SLC25A17: variants seen among roughly 807,000 people sequenced by gnomAD.
SLC25A17 encodes the protein peroxisomal membrane protein PMP34.
A neutral mutation model predicts 38.5 loss-of-function variants in SLC25A17; 26 were observed. That is an observed-to-expected ratio of 0.68 (90% confidence interval 0.50 to 0.94). The LOEUF is 0.94. Among genes scored for constraint, SLC25A17 ranks in the 40% least tolerant of loss-of-function variants. The pLI, the probability that SLC25A17 is intolerant of heterozygous loss-of-function variation, is 0.00. For synonymous variants in SLC25A17, 139 were observed against 136.2 expected (o/e 1.02, Z -0.14); for missense variants, 333 against 372.7 (o/e 0.89, Z 0.88).
intron 5 of SLC25A17, among the ~76,000 whole-genome samples, chr22:40,777,955 A>G (rs1264283024): frequency 6.6e-6 from 1 of 152,190 alleles, no homozygotes; most frequent in East Asian, 1.9e-4. Context: ...TATCACCATC[A>G]CTGGGAATTC....
chr22:40,779,244 C>T, intron 4 of SLC25A17, 119 bp from the exon 5 acceptor site: 2 of 1,551,548 alleles, frequency 1.3e-6, no homozygotes, highest in Non-Finnish European at 1.7e-6. Context: ...TCTTAGGAGA[C>T]CTAAGGTAAG....
At chr22:40,794,627 A>AAT in intron 2 of SLC25A17, 47 bp from the exon 3 acceptor site, 3 of 1,198,620 alleles carry the variant, frequency 2.5e-6, no homozygotes, top group Non-Finnish European at 3.5e-6. Flanking sequence ...TAAAAAAAAA[A>AAT]TTTTTTTTTT....
chr22:40,773,410 CAAAAAAAAAA>C (rs59479764), intron 8 of SLC25A17, among the ~76,000 whole-genome samples: 5 of 74,320 alleles, frequency 6.7e-5, no homozygotes, highest in East Asian at 7.7e-4. Context: ...ACTCTGTCTC[CAAAAAAAAAA>C]AAAAAAAAAA....
chr22:40,809,539 G>T (rs2057560046), intron 1 of SLC25A17, among the ~76,000 whole-genome samples: 1 of 152,040 alleles, frequency 6.6e-6, no homozygotes, highest in African/African-American at 2.4e-5. Context: ...AGCTGAAGTG[G>T]GAGAATTGCT....
chr22:40,793,657 G>A (rs955422489), intron 3 of SLC25A17, among the ~76,000 whole-genome samples: 4 of 151,852 alleles, frequency 2.6e-5, no homozygotes, highest in Non-Finnish European at 5.9e-5. Context: ...TTGTTGCCCA[G>A]GCTGGAGTGC....
intron 1 of SLC25A17, among the ~76,000 whole-genome samples, chr22:40,801,964 G>A: frequency 6.6e-6 from 1 of 152,018 alleles, no homozygotes; most frequent in African/African-American, 2.4e-5. Context: ...CTAATTTTTT[G>A]TATTTTTAGT....
At chr22:40,801,942 C>T (rs2057488213) in intron 1 of SLC25A17, among the ~76,000 whole-genome samples, 1 of 152,162 alleles carries the variant, frequency 6.6e-6, no homozygotes, top group African/African-American at 2.4e-5. Context: ...GGGCGCCCGC[C>T]TCCATGCCCA....
Position 40,809,152 on chromosome 22 carries a change from A to G in SLC25A17, c.54+10043T>C, listed in dbSNP as rs572614926. ...AGACAACATTGGAATTTTAGGTATGAGCAACCACACCCAGCTAATGTATTT... is the reference window on the plus strand; with the variant it reads ...AGACAACATTGGAATTTTAGGTATGGGCAACCACACCCAGCTAATGTATTT... On this transcript the variant is annotated intron_variant, in intron 1 of 8. Coordinates refer to ENST00000435456, the MANE Select transcript of SLC25A17 (RefSeq NM_006358.4). 2.0e-5 allele frequency among the ~76,000 whole-genome samples: 3 copies of G among 151,880 alleles called. No homozygotes were observed. The South Asian group carries it at 6.2e-4, about 32-fold the overall frequency.
chr22:40,804,288 A>G (rs530961509), intron 1 of SLC25A17, among the ~76,000 whole-genome samples: 6 of 152,152 alleles, frequency 3.9e-5, no homozygotes, highest in Non-Finnish European at 8.8e-5. Context: ...CCAAGCCCAG[A>G]GCAAGTGTGT....
At position 40,799,058 on chromosome 22, in the gene SLC25A17, A is replaced by G. The variant is rs998819984; in HGVS notation, c.80T>C (p.Phe27Ser). The G allele has an allele frequency of 2.7e-5, 43 of 1,613,820 alleles. No homozygotes were observed. The highest frequency in any genetic ancestry group is 3.6e-5 in the Non-Finnish European group (43 of 1,179,724). ...AVGSVTAMTV[F>S]FPLDTARLRL... ...AAGTCTAGCTGTATCCAGGGGAAAA[A>G]ACACTGTCATTGCTGTCACGCTTCC... The change falls in exon 2 of 9, where the codon TTT becomes TCT. Residue 27 changes from phenylalanine to serine, a missense_variant. Coordinates refer to ENST00000435456, the MANE Select transcript of SLC25A17 (RefSeq NM_006358.4).
In SLC25A17 at chr22:40,798,265, C is replaced by G. The variant is rs6002146; in HGVS notation, c.115+758G>C. ...AACTGGGCAAAAAGCTCTGGAAAAG[C>G]TCTGGAGGCAAATTGAGTCCACAGA... On this transcript the variant is annotated intron_variant, in intron 2 of 8. Transcript: ENST00000435456. 555 of 152,644 alleles carry G rather than the reference C, an allele frequency of 3.6e-3. 7 individuals are homozygous for G. The highest frequency in any genetic ancestry group is 0.013 in the African/African-American group (534 of 41,556). 9.5% of individuals were successfully genotyped at this position (152,644 alleles called of 1,614,324 possible). A position where few individuals can be genotyped will look rare whatever the true frequency, so the allele number is the denominator to read the frequency against.
chr22:40,799,345 C>T (rs1413401179), intron 1 of SLC25A17, among the ~76,000 whole-genome samples: 1 of 151,364 alleles, frequency 6.6e-6, no homozygotes, highest in East Asian at 1.9e-4. Flanking sequence ...ACTTTGTTGC[C>T]CAGGCTGGGA....
At chr22:40,812,497 T>C (rs1473310588) in intron 1 of SLC25A17, among the ~76,000 whole-genome samples, 1 of 152,158 alleles carries the variant, frequency 6.6e-6, no homozygotes, top group Non-Finnish European at 1.5e-5. Context: ...AACAATGATG[T>C]TTGGGTTGGT....
intron 5 of SLC25A17, 63 bp downstream of exon 5, chr22:40,778,946 C>T: frequency 7.3e-7 from 1 of 1,376,916 alleles, no homozygotes; most frequent in South Asian, 1.2e-5. Context: ...TATGTGGCAA[C>T]ATATTCCAGA....
chr22:40,802,996 TAAAC>T (rs141736942), intron 1 of SLC25A17, among the ~76,000 whole-genome samples: 1 of 152,366 alleles, frequency 6.6e-6, no homozygotes, highest in East Asian at 1.9e-4. Context: ...CCCATTACTT[TAAAC>T]ATCATTTCTT....
chr22:40,795,809 A>G (rs797020232), intron 2 of SLC25A17, among the ~76,000 whole-genome samples: 19 of 151,732 alleles, frequency 1.3e-4, no homozygotes, highest in African/African-American at 4.6e-4. Flanking sequence ...TTTTTTTGAG[A>G]CGGAGTCTCG....
intron 1 of SLC25A17, among the ~76,000 whole-genome samples, chr22:40,816,489 C>G (rs1420760435): frequency 6.6e-6 from 1 of 152,094 alleles, no homozygotes; most frequent in Non-Finnish European, 1.5e-5. Context: ...GTACACAAAG[C>G]CTAAAATATT....
In SLC25A17 at chr22:40,777,236, G is replaced by A. The variant is rs768147274; in HGVS notation, c.589C>T (p.Arg197Trp). Residue 197 changes from arginine (R) to tryptophan (W), a missense_variant, in exon 6 of 9, where the codon CGG (arginine) becomes TGG (tryptophan). Coordinates refer to ENST00000435456, the MANE Select transcript of SLC25A17 (RefSeq NM_006358.4). ...EGLKRQLLKK[R>W]MKLSSLDVFI... ...TCAAAATCAAGGATTACCTTCATCC[G>A]TTTCTTTAAAAGCTGCCGTTTTAAA... 9.3e-6 allele frequency: 15 copies of A among 1,613,776 alleles called. 1 individual carries two copies. Among genetic ancestry groups the A allele is most frequent in the East Asian group, 8.9e-5 (4 of 44,886 alleles).
chr22:40,773,876 C>T (rs1303538644), intron 8 of SLC25A17, 61 bp downstream of exon 8: 1 of 1,180,464 alleles, frequency 8.5e-7, no homozygotes, highest in Non-Finnish European at 1.3e-6. Flanking sequence ...AATGCAACCC[C>T]TCCCTGGCAG....
Sources: allele counts gnomAD v4.1 joint callset (sites outside exome capture counted in the v4.1 genomes callset), GRCh38; gene constraint gnomAD v4.1.1; transcripts MANE v1.5; gene names NCBI Gene and HGNC (gene_info 2026-07-23, HGNC 2026-07-21).